Variants in TNNI3K observed in about 807,000 individuals in gnomAD.
TNNI3K encodes the protein TNNI3 interacting kinase.
Under a neutral mutation model 114.5 loss-of-function variants are expected in TNNI3K, and 140 were observed. The ratio of observed to expected loss-of-function variants is 1.22; its 90% CI spans 1.07 to 1.41. TNNI3K has a LOEUF of 1.41. TNNI3K is among the 40% of genes most tolerant of loss of function. The pLI is 0.00. For missense variants in TNNI3K, 1,125 were observed against 1,007.6 expected, an observed-to-expected ratio of 1.12 and a Z score of -1.58; for synonymous variants, 347 against 347.5, an observed-to-expected ratio of 1.00 and a Z score of 0.02.
At chr1:74,273,682 C>G (rs763168836) in intron 5 of TNNI3K, among the ~76,000 whole-genome samples, 6 of 151,866 alleles carry the variant, frequency 4.0e-5, no homozygotes, top group Non-Finnish European at 8.8e-5. Flanking sequence ...TTTTACCAGA[C>G]TTAGGGCAAA....
chr1:74,320,577 A>C (rs1312110486), intron 5 of TNNI3K, among the ~76,000 whole-genome samples: 2 of 152,198 alleles, frequency 1.3e-5, no homozygotes, highest in African/African-American at 4.8e-5. Context: ...CATATTCTAC[A>C]CATGTACTTG....
At chr1:74,439,289 A>G in intron 19 of TNNI3K, 1 of 661,192 alleles carries the variant, frequency 1.5e-6, no homozygotes. Flanking sequence ...TGAGGAACTG[A>G]ACAGCCACAG....
At chr1:74,495,166 C>T (rs549453837) in intron 23 of TNNI3K, among the ~76,000 whole-genome samples, 3 of 152,294 alleles carry the variant, frequency 2.0e-5, no homozygotes, top group African/African-American at 7.2e-5. Flanking sequence ...GTGTATCTGT[C>T]TGCTAGGTGC....
In TNNI3K at chr1:74,263,518, G is replaced by A. The variant is rs570148362; in HGVS notation, c.334-8080G>A. Among the ~76,000 whole-genome samples the A allele has an allele frequency of 5.3e-5, 8 of 152,140 alleles. No homozygotes were observed. In the South Asian group the frequency reaches 1.2e-3, roughly 24 times the overall value. ...GAAGAAAAGTGTTTCAAAGGAGGTA[G>A]GATGAGGTTGACAGTGGGCAAAATG... On this transcript the variant is annotated intron_variant, in intron 4 of 24. Transcript: ENST00000326637.
chr1:74,375,924 A>G, intron 17 of TNNI3K: 1 of 201,704 alleles, frequency 5.0e-6, no homozygotes, highest in Non-Finnish European at 1.1e-5. Flanking sequence ...CGATATTCTC[A>G]TACATACAGA....
chr1:74,242,940 C>A (rs775275953), intron 2 of TNNI3K, among the ~76,000 whole-genome samples: 1 of 151,912 alleles, frequency 6.6e-6, no homozygotes, highest in Non-Finnish European at 1.5e-5. Context: ...TCCCCCTTAC[C>A]CTTCATCTCT....
rs181447714 is a variant in TNNI3K, at chr1:74,370,611, G to T, written c.1772+219G>T. ...CTCAGGGATCTTTTAAATCTATGAAGAATATTCACAAATATAGTAATATCT... is the reference window on the plus strand; with the variant it reads ...CTCAGGGATCTTTTAAATCTATGAATAATATTCACAAATATAGTAATATCT... On this transcript the variant is annotated intron_variant, in intron 17 of 24. Transcript: ENST00000326637. 4 of 356,748 alleles carry T rather than the reference G, an allele frequency of 1.1e-5. No individual in the cohort carries two copies. The Admixed American group carries it at 1.9e-4, about 17-fold the overall frequency. The allele number at this position is 356,748 out of a possible 1,614,324, so 22.1% of individuals were successfully genotyped here.
intron 17 of TNNI3K, among the ~76,000 whole-genome samples, chr1:74,422,005 T>A (rs1437831939): frequency 6.7e-6 from 1 of 149,926 alleles, no homozygotes; most frequent in African/African-American, 2.4e-5. Flanking sequence ...TATTTTAGAT[T>A]TTTTCAGCAC....
chr1:74,538,752 G>A (rs1412083262), intron 23 of TNNI3K, among the ~76,000 whole-genome samples: 2 of 152,092 alleles, frequency 1.3e-5, no homozygotes, highest in Non-Finnish European at 2.9e-5. Context: ...AAGGGGATTT[G>A]CGTTTATTAA....
At chr1:74,484,395 G>A (rs528376560) in intron 21 of TNNI3K, among the ~76,000 whole-genome samples, 113 of 152,180 alleles carry the variant, frequency 7.4e-4, no homozygotes, top group African/African-American at 2.6e-3. Context: ...ATAGAGCAGG[G>A]GCTGACAAGC....
chr1:74,370,532 C>A, intron 17 of TNNI3K, 140 bp downstream of exon 17: 3 of 571,690 alleles, frequency 5.2e-6, no homozygotes, highest in South Asian at 4.8e-5. Context: ...TAAGCTTAGG[C>A]GATAGAAAGT....
intron 4 of TNNI3K, among the ~76,000 whole-genome samples, chr1:74,257,262 G>T (rs931917109): frequency 1.3e-5 from 2 of 151,988 alleles, no homozygotes; most frequent in Non-Finnish European, 2.9e-5. Context: ...CAATTTCTCT[G>T]CTATGATGAC....
rs1353529303 is a variant in TNNI3K, at chr1:74,235,964, AACAC to A, written c.41-134_41-131del. 3 of 545,698 alleles carry A rather than the reference AACAC, an allele frequency of 5.5e-6. No individual in the cohort carries two copies. The African/African-American group carries it at 5.9e-5, about 11-fold the overall frequency. 33.8% of individuals were successfully genotyped at this position (545,698 alleles called of 1,614,324 possible). On this transcript the variant is annotated intron_variant, in intron 1 of 24. Coordinates refer to ENST00000326637, the MANE Select transcript of TNNI3K (RefSeq NM_015978.3). ...TTTAAATATAAACATCTGCATTTTAAACACACAATCAGTAATTTAAATTAAGTAT... is the reference window on the plus strand; with the variant it reads ...TTTAAATATAAACATCTGCATTTTAAACAATCAGTAATTTAAATTAAGTAT...
At chr1:74,352,541 GT>G (rs1189672642) in intron 9 of TNNI3K, among the ~76,000 whole-genome samples, 2 of 152,220 alleles carry the variant, frequency 1.3e-5, no homozygotes, top group Non-Finnish European at 2.9e-5. Context: ...GCTGTCTTTT[GT>G]TTGTCTGTGC....
chr1:74,296,205 G>A (rs532928634), intron 5 of TNNI3K, among the ~76,000 whole-genome samples: 21 of 152,076 alleles, frequency 1.4e-4, no homozygotes, highest in Admixed American at 1.0e-3. Flanking sequence ...GAACCTGGGA[G>A]GTGGAGCTTG....
intron 4 of TNNI3K, among the ~76,000 whole-genome samples, chr1:74,260,640 C>T (rs1655607808): frequency 6.6e-6 from 1 of 152,028 alleles, no homozygotes; most frequent in African/African-American, 2.4e-5. Flanking sequence ...TGTTGTTGAA[C>T]TCTAACTTTG....
chr1:74,398,717 T>C (rs555740270), intron 17 of TNNI3K, among the ~76,000 whole-genome samples: 1 of 152,238 alleles, frequency 6.6e-6, no homozygotes, highest in African/African-American at 2.4e-5. Context: ...ATTCAGACGA[T>C]GGGAGCCACT....
At chr1:74,345,526 G>T (rs936564757) in intron 9 of TNNI3K, among the ~76,000 whole-genome samples, 2 of 152,118 alleles carry the variant, frequency 1.3e-5, no homozygotes, top group African/African-American at 4.8e-5. Flanking sequence ...TTTCATGAAA[G>T]AAAAATGACT....
chr1:74,498,732 C>G (rs1669460892), intron 23 of TNNI3K, among the ~76,000 whole-genome samples: 2 of 151,888 alleles, frequency 1.3e-5, no homozygotes, highest in Non-Finnish European at 2.9e-5. Context: ...AGTCTTCCCC[C>G]CGACTATTAG....
Sources: gnomAD v4.1 joint callset for allele counts (sites outside exome capture counted in the v4.1 genomes callset) on GRCh38, gnomAD v4.1.1 for gene constraint, MANE v1.5 for transcripts, NCBI Gene and HGNC (gene_info 2026-07-23, HGNC 2026-07-21) for gene names.